Variants in OR4N2 observed in about 807,000 individuals in gnomAD.
OR4N2 encodes the protein olfactory receptor 4N2.
For synonymous variants in OR4N2, 141 were observed against 140.4 expected (o/e 1.00, Z -0.03); for missense variants, 307 against 377.6 (o/e 0.81, Z 1.55).
At position 19,828,561 on chromosome 14, in the gene OR4N2, T is replaced by C. The variant is rs1429685035; in HGVS notation, c.*189T>C. 4 of 609,846 alleles carry C rather than the reference T, an allele frequency of 6.6e-6. No individual in the cohort carries two copies. Among genetic ancestry groups the C allele is most frequent in the Non-Finnish European group, 8.3e-6 (3 of 359,726 alleles). 37.8% of individuals were successfully genotyped at this position (609,846 alleles called of 1,614,324 possible). ...TCCAAGAGATACAACCTAGTAAAAA[T>C]AGACCACCATTAAGGTAGAAAATAA... On this transcript the variant is annotated 3_prime_UTR_variant, in exon 2 of 2. Transcript: ENST00000557677.
chr14:19,824,255 C>A (rs1229170475), intron 1 of OR4N2, among the ~76,000 whole-genome samples: 1 of 152,130 alleles, frequency 6.6e-6, no homozygotes. Context: ...TTAGACTCTG[C>A]GTCTATTCCA....
chr14:19,819,464 C>T (rs947525603), intron 1 of OR4N2, among the ~76,000 whole-genome samples: 13 of 152,306 alleles, frequency 8.5e-5, no homozygotes, highest in South Asian at 4.1e-4. Context: ...TCCTTTCTTC[C>T]GCTCCATCGA....
chr14:19,804,336 T>C (rs1189434781), intron 1 of OR4N2, among the ~76,000 whole-genome samples: 2 of 152,180 alleles, frequency 1.3e-5, no homozygotes, highest in African/African-American at 2.4e-5. Context: ...TAGTTTTTTC[T>C]TTAGTGATAT....
chr14:19,824,959 G>T (rs538998176), intron 1 of OR4N2, among the ~76,000 whole-genome samples: 1 of 152,368 alleles, frequency 6.6e-6, no homozygotes, highest in African/African-American at 2.4e-5. Flanking sequence ...CTTAACTCCT[G>T]CATTGTTCAA....
chr14:19,821,168 C>G (rs1401079063), intron 1 of OR4N2, among the ~76,000 whole-genome samples: 1 of 152,262 alleles, frequency 6.6e-6, no homozygotes, highest in Non-Finnish European at 1.5e-5. Flanking sequence ...TCACGGCTTC[C>G]CTTGGCTGGG....
rs185110419 is a variant in OR4N2 at position 19,823,061 on chromosome 14, T to G, written c.-9-4379T>G. 6.6e-5 allele frequency among the ~76,000 whole-genome samples: 10 copies of G among 152,402 alleles called. No individual in the cohort carries two copies. The East Asian group carries it at 1.9e-3, about 29-fold the overall frequency. On this transcript the variant is annotated intron_variant, in intron 1 of 1. Coordinates refer to ENST00000557677, the MANE Select transcript of OR4N2 (RefSeq NM_001004723.3). ...GATGAATAAATTTTCTGGCTAAGAA[T>G]CTATACATTTGTTTAGTGCTTTATA...
intron 1 of OR4N2, among the ~76,000 whole-genome samples, chr14:19,811,731 AT>A (rs1879301807): frequency 6.6e-6 from 1 of 152,262 alleles, no homozygotes; most frequent in African/African-American, 2.4e-5. Flanking sequence ...GCAGAAAATC[AT>A]TTGTTTTAAC....
At chr14:19,826,760 G>A (rs1879709628) in intron 1 of OR4N2, among the ~76,000 whole-genome samples, 1 of 152,236 alleles carries the variant, frequency 6.6e-6, no homozygotes, top group African/African-American at 2.4e-5. Context: ...GGTGTGGAGT[G>A]GCCACAGGAG....
At chr14:19,815,497 T>C (rs1217023953) in intron 1 of OR4N2, among the ~76,000 whole-genome samples, 1 of 152,270 alleles carries the variant, frequency 6.6e-6, no homozygotes, top group South Asian at 2.1e-4. Context: ...GTTCATATCC[T>C]TTGCTCACTT....
Position 19,828,069 on chromosome 14 carries a change from A to T in OR4N2, c.621A>T (p.Thr207=). ...TGGTCTTCAACAGTGGCCTGATGAC[A>T]CTCCTGTGCTTTCTGGGGCTTCTGG... The part of the protein sequence containing the change: ...LLMVFNSGLM[T]LLCFLGLLAS... The change falls in exon 2 of 2, where the codon ACA becomes ACT. Residue 207 remains threonine (T), a synonymous_variant. Transcript: ENST00000557677. The T allele has an allele frequency of 1.9e-6, 3 of 1,614,074 alleles. No individual in the cohort carries two copies. The highest frequency in any genetic ancestry group is 1.7e-6 in the Non-Finnish European group (2 of 1,180,024).
chr14:19,807,424 A>T (rs1217287933), intron 1 of OR4N2, among the ~76,000 whole-genome samples: 1 of 152,082 alleles, frequency 6.6e-6, no homozygotes, highest in East Asian at 1.9e-4. Flanking sequence ...ACAGAAATAC[A>T]AAAGATACTC....
intron 1 of OR4N2, among the ~76,000 whole-genome samples, chr14:19,819,793 G>A (rs1404710246): frequency 2.0e-5 from 3 of 152,238 alleles, no homozygotes; most frequent in Non-Finnish European, 4.4e-5. Flanking sequence ...CAGCCTTTTT[G>A]CTCTGGTTTT....
chr14:19,809,513 C>CA (rs1879245602), intron 1 of OR4N2, among the ~76,000 whole-genome samples: 1 of 152,074 alleles, frequency 6.6e-6, no homozygotes, highest in Admixed American at 6.5e-5. Context: ...AACAAACGAA[C>CA]AAAAAATCCA....
chr14:19,808,345 CA>C (rs1460653335), intron 1 of OR4N2, among the ~76,000 whole-genome samples: 1 of 152,092 alleles, frequency 6.6e-6, no homozygotes, highest in Non-Finnish European at 1.5e-5. Context: ...CTAACTTTCA[CA>C]AAAAAGCAAC....
chr14:19,816,843 G>A (rs1407118406), intron 1 of OR4N2, among the ~76,000 whole-genome samples: 2 of 152,210 alleles, frequency 1.3e-5, no homozygotes, highest in Admixed American at 6.5e-5. Flanking sequence ...GTCATAAATA[G>A]CTCTTATTAT....
intron 1 of OR4N2, among the ~76,000 whole-genome samples, chr14:19,820,971 G>A (rs1362711007): frequency 6.6e-6 from 1 of 152,200 alleles, no homozygotes; most frequent in African/African-American, 2.4e-5. Context: ...AGGTGCCACT[G>A]GGGTATGAAA....
At chr14:19,807,919 G>A (rs1471888855) in intron 1 of OR4N2, among the ~76,000 whole-genome samples, 1 of 152,154 alleles carries the variant, frequency 6.6e-6, no homozygotes, top group Non-Finnish European at 1.5e-5. Flanking sequence ...GAGATGTAAG[G>A]CTTATTCAAT....
intron 1 of OR4N2, among the ~76,000 whole-genome samples, chr14:19,820,495 C>A (rs867459006): frequency 6.6e-5 from 10 of 152,346 alleles, no homozygotes; most frequent in Middle Eastern, 3.4e-3. Context: ...AGATGGCAGG[C>A]AGGAACATTT....
chr14:19,812,575 G>T (rs1037388634), intron 1 of OR4N2, among the ~76,000 whole-genome samples: 2 of 152,128 alleles, frequency 1.3e-5, no homozygotes, highest in African/African-American at 4.8e-5. Context: ...AGCCAGAATG[G>T]TCTCGGTCTC....
Sources: allele counts gnomAD v4.1 joint callset (sites outside exome capture counted in the v4.1 genomes callset), GRCh38; gene constraint gnomAD v4.1.1; transcripts MANE v1.5; gene names NCBI Gene and HGNC (gene_info 2026-07-23, HGNC 2026-07-21).